TAPBPL: variants seen among roughly 807,000 people sequenced by gnomAD.
The protein encoded by TAPBPL is TAP binding protein like.
Under a neutral mutation model 44.8 loss-of-function variants are expected in TAPBPL, and 32 were observed. That is an observed-to-expected ratio of 0.71 (90% CI 0.54 to 0.96). The LOEUF (loss-of-function observed/expected upper bound fraction) is 0.96. TAPBPL is among the 40% of genes least tolerant of loss of function. The probability of loss-of-function intolerance (pLI) is 0.00; values close to 1 mark genes in which losing one functional copy is unlikely to be tolerated. For missense variants in TAPBPL, 520 were observed against 586.6 expected (o/e 0.89, Z 1.17); for synonymous variants, 230 against 240.7 (o/e 0.96, Z 0.41).
chr12:6,457,510 A>C lies in TAPBPL; in HGVS notation c.670A>C (p.Ser224Arg). ...FSMAPGLDLI[S>R]VEWRLQHKGR... ...CATGGCACCGGGCTTGGACCTCATCAGTGTGGAGTGGCGACTGCAGCACAA... is the reference window on the plus strand; with the variant it reads ...CATGGCACCGGGCTTGGACCTCATCCGTGTGGAGTGGCGACTGCAGCACAA... The change falls in exon 4 of 7, where the codon AGT becomes CGT. Residue 224 changes from serine (S) to arginine (R), a missense_variant. Ser to Arg is a moderately radical substitution (Grantham distance 110, BLOSUM62 -1). Transcript: ENST00000266556. The C allele has an allele frequency of 6.2e-7, 1 of 1,614,146 alleles. No individual in the cohort carries two copies. Among genetic ancestry groups the C allele is most frequent in the Non-Finnish European group, 8.5e-7 (1 of 1,180,024 alleles).
At chr12:6,455,918 A>G (rs79918669) in intron 3 of TAPBPL, among the ~76,000 whole-genome samples, 3,257 of 151,932 alleles carry the variant, frequency 0.021, 118 homozygotes, top group African/African-American at 0.074. Flanking sequence ...CCGCCACCAC[A>G]CCAGCTAATT....
chr12:6,459,723 G>GTTTT (rs1555127398), intron 5 of TAPBPL, among the ~76,000 whole-genome samples: 2 of 139,030 alleles, frequency 1.4e-5, no homozygotes, highest in Admixed American at 7.3e-5. Flanking sequence ...CTGTTGAAAG[G>GTTTT]TTTTATTTAT....
At chr12:6,464,106 C>T, downstream of TAPBPL, 1 of 1,325,288 alleles carries the variant, frequency 7.5e-7, no homozygotes, top group Non-Finnish European at 9.9e-7. Context: ...GGCACCGATA[C>T]TCTTCTCCTC....
chr12:6,458,857 C>A lies in TAPBPL; in HGVS notation c.1117C>A (p.Pro373Thr), dbSNP rs1403577371. 2.5e-6 allele frequency: 4 copies of A among 1,614,072 alleles called. No homozygotes were observed. Among genetic ancestry groups the A allele is most frequent in the Admixed American group, 1.7e-5 (1 of 60,010 alleles). Residue 373 changes from proline (P) to threonine (T), a missense_variant, in exon 5 of 7, where the codon CCT becomes ACT. By Grantham distance (38) the Pro-to-Thr change is conservative (BLOSUM62 -1). Transcript: ENST00000266556. ...YSISSSLTAEPGSAGATYTCQ... is the reference protein window; with the variant it reads ...YSISSSLTAETGSAGATYTCQ... ...CATCTCCTCCTCTCTCACCGCAGAA[C>A]CTGGCTCTGCAGGTGCCACTTACAC...
downstream of TAPBPL, chr12:6,463,098 G>A: frequency 6.6e-7 from 1 of 1,521,360 alleles, no homozygotes; most frequent in Non-Finnish European, 8.8e-7. This position sits in a 1 kb window ranked among gnomAD's most constrained non-coding sequence, Gnocchi z 4.0. Context: ...CTCAGCAATT[G>A]CCCCGAAGAT....
intron 4 of TAPBPL, 69 bp downstream of exon 4, chr12:6,457,813 G>A (rs1949740724): frequency 7.0e-7 from 1 of 1,424,950 alleles, no homozygotes; most frequent in Non-Finnish European, 9.3e-7. Flanking sequence ...TTCCAGATTG[G>A]GACCCAAATG....
downstream of TAPBPL, chr12:6,464,126 G>A: frequency 1.5e-6 from 2 of 1,355,676 alleles, no homozygotes; most frequent in Non-Finnish European, 1.9e-6. Flanking sequence ...CCCAAGTCTG[G>A]GCAGCTTCAT....
In TAPBPL at chr12:6,458,890, G is replaced by A. The variant is rs1170347048; in HGVS notation, c.1150G>A (p.Val384Ile). The change falls in exon 5 of 7, where the codon GTC (valine) becomes ATC (isoleucine). Residue 384 changes from valine to isoleucine, a missense_variant. By Grantham distance (29) the Val-to-Ile change is conservative (BLOSUM62 3). Transcript: ENST00000266556. Reference protein sequence around the residue: ...GSAGATYTCQVTHISLEEPLG... With the variant: ...GSAGATYTCQITHISLEEPLG... ...TGCAGGTGCCACTTACACCTGCCAG[G>A]TCACACACATCTCTCTGGAGGAGCC... 1 of 1,614,128 alleles carries A rather than the reference G, an allele frequency of 6.2e-7. No individual in the cohort carries two copies.
chr12:6,462,010 C>T (rs747950246), intron 6 of TAPBPL, 24 bp from the exon 7 acceptor site: 3 of 1,597,540 alleles, frequency 1.9e-6, no homozygotes, highest in Non-Finnish European at 1.7e-6. Flanking sequence ...CACGCAACTT[C>T]CTGTCTTCAC....
At chr12:6,465,855 C>T, downstream of TAPBPL, 1 of 1,614,104 alleles carries the variant, frequency 6.2e-7, no homozygotes, top group Non-Finnish European at 8.5e-7. Context: ...GCAGTTTTTC[C>T]ACCAATACTT....
chr12:6,459,760 ATTTATTTTATTTT>A, intron 5 of TAPBPL, among the ~76,000 whole-genome samples: 2 of 110,496 alleles, frequency 1.8e-5, no homozygotes, highest in African/African-American at 7.8e-5. Context: ...TTATTTATTT[ATTTATTTTATTTT>A]ATTTTACTTT....
Position 6,453,330 on chromosome 12 carries a change from C to T in TAPBPL, c.295+33C>T. The T allele has an allele frequency of 6.2e-7, 1 of 1,611,670 alleles. No individual in the cohort carries two copies. ...CCTTCCACCTGTGTCCTTGGTCCTC[C>T]CGGGCTCCCTCCACCAGGACAGCCC... On this transcript the variant is annotated intron_variant, in intron 2 of 6. Coordinates refer to ENST00000266556, the MANE Select transcript of TAPBPL (RefSeq NM_018009.5). This position sits in a 1 kb window ranked among gnomAD's most constrained non-coding sequence, Gnocchi z 4.8.
chr12:6,456,768 T>C (rs1261924793), intron 3 of TAPBPL, among the ~76,000 whole-genome samples: 4 of 152,168 alleles, frequency 2.6e-5, no homozygotes, highest in Non-Finnish European at 4.4e-5. Context: ...TTCTCCTGTC[T>C]CAGCCTCCCA....
rs770316205 is a variant in TAPBPL, at chr12:6,462,072, G to A, written c.1330G>A (p.Glu444Lys). The change falls in exon 7 of 7, where the codon GAG (glutamate) becomes AAG (lysine). Residue 444 changes from glutamate (E) to lysine (K), a missense_variant. Transcript: ENST00000266556. ...GLGLLQAERWETTSCADTQSS... is the reference protein window; with the variant it reads ...GLGLLQAERWKTTSCADTQSS... ...TGGGCTGCTTCAGGCTGAACGCTGG[G>A]AGACCACTTCCTGTGCTGACACACA... 2.5e-6 allele frequency: 4 copies of A among 1,613,704 alleles called. No individual in the cohort carries two copies. The East Asian group carries it at 6.7e-5, about 27-fold the overall frequency.
chr12:6,469,023 C>G (rs1320480433), downstream of TAPBPL, among the ~76,000 whole-genome samples: 1 of 152,222 alleles, frequency 6.6e-6, no homozygotes, highest in East Asian at 1.9e-4. Flanking sequence ...GAAGCTCATT[C>G]TCCTTGATTA....
In TAPBPL at chr12:6,460,844, C is replaced by T; in HGVS notation, c.1208-11C>T. On this transcript the variant is annotated splice_polypyrimidine_tract_variant and intron_variant, in intron 5 of 6. Transcript: ENST00000266556. ...CACGATGATCCCCGCCCACGTTGCT[C>T]TCACCTACAGAGCGGAGAACAGCCT... 1 of 1,614,004 alleles carries T rather than the reference C, an allele frequency of 6.2e-7. No homozygotes were observed. Among genetic ancestry groups the T allele is most frequent in the Non-Finnish European group, 8.5e-7 (1 of 1,179,922 alleles).
At chr12:6,454,018 AAAAAAAAAAG>A (rs1949637532) in intron 3 of TAPBPL, among the ~76,000 whole-genome samples, 2 of 151,774 alleles carry the variant, frequency 1.3e-5, no homozygotes. Flanking sequence ...TCCATCTCAA[AAAAAAAAAAG>A]AAAAGAAAAG....
At chr12:6,462,712 G>A (rs1949909529), downstream of TAPBPL, 1 of 1,072,890 alleles carries the variant, frequency 9.3e-7, no homozygotes, top group South Asian at 1.6e-5. Flanking sequence ...GACACATCGA[G>A]GACAGTGGTG....
At chr12:6,462,720 G>T (rs1949909732), downstream of TAPBPL, 2 of 1,150,896 alleles carry the variant, frequency 1.7e-6, no homozygotes, top group South Asian at 1.5e-5. Flanking sequence ...GAGGACAGTG[G>T]TGGTTCTTCT....
Sources: allele counts gnomAD v4.1 joint callset (sites outside exome capture counted in the v4.1 genomes callset), GRCh38; gene constraint gnomAD v4.1.1; non-coding constraint Gnocchi (gnomAD v3.1); transcripts MANE v1.5; gene names NCBI Gene and HGNC (gene_info 2026-07-23, HGNC 2026-07-21).